PID1: variants seen among roughly 807,000 people sequenced by gnomAD.
The protein encoded by PID1 is phosphotyrosine interaction domain containing 1.
PID1 carries 10 observed loss-of-function variants against 19.1 expected under a neutral mutation model. That is an observed-to-expected ratio of 0.52 (90% CI 0.32 to 0.89). The LOEUF (loss-of-function observed/expected upper bound fraction) is 0.89, where lower values mean the gene tolerates loss of function less well. Ranked by LOEUF, PID1 falls within the 40% of genes least tolerant of loss-of-function variation. The probability of loss-of-function intolerance (pLI) is 0.03; values close to 1 mark genes in which losing one functional copy is unlikely to be tolerated. For missense variants in PID1, 248 were observed against 285.3 expected, an observed-to-expected ratio of 0.87 and a Z score of 0.94; for synonymous variants, 130 against 116.0, an observed-to-expected ratio of 1.12 and a Z score of -0.78.
chr2:229,189,237 G>GCTGC (rs1691204934), intron 1 of PID1, among the ~76,000 whole-genome samples: 1 of 152,182 alleles, frequency 6.6e-6, no homozygotes, highest in Admixed American at 6.5e-5. Flanking sequence ...CACACATGGA[G>GCTGC]CTGCACCCAA....
At chr2:229,214,918 GCTTA>G (rs1691814058) in intron 1 of PID1, among the ~76,000 whole-genome samples, 1 of 151,818 alleles carries the variant, frequency 6.6e-6, no homozygotes, top group African/African-American at 2.4e-5. Flanking sequence ...CTATTTTACA[GCTTA>G]CTTTCTATTT....
At chr2:229,037,197 T>G (rs1485254029) in intron 2 of PID1, among the ~76,000 whole-genome samples, 3 of 152,162 alleles carry the variant, frequency 2.0e-5, no homozygotes. Context: ...TTGCACAGAT[T>G]ATGTCGATAT....
chr2:229,109,739 AC>A (rs1695258536), intron 2 of PID1, among the ~76,000 whole-genome samples: 1 of 152,242 alleles, frequency 6.6e-6, no homozygotes, highest in African/African-American at 2.4e-5. Flanking sequence ...AATCGATGTA[AC>A]ACCTGGAATG....
At chr2:229,097,124 T>C (rs1694986923) in intron 2 of PID1, among the ~76,000 whole-genome samples, 3 of 152,186 alleles carry the variant, frequency 2.0e-5, no homozygotes, top group African/African-American at 7.2e-5. Context: ...ATACATGACA[T>C]GATTATGAAA....
In PID1 at chr2:229,211,677, T is replaced by G. The variant is rs142506698; in HGVS notation, c.31-55713A>C. On this transcript the variant is annotated intron_variant, in intron 1 of 2. Coordinates refer to ENST00000392055, the MANE Select transcript of PID1 (RefSeq NM_001100818.2). Reference sequence around the variant, plus strand: ...TTCTACAGAATGTGATGCATGGGCTTTGTGGCAGCTGTCTGAGTTCCAGAG... The same window carrying G: ...TTCTACAGAATGTGATGCATGGGCTGTGTGGCAGCTGTCTGAGTTCCAGAG... 6.7e-3 allele frequency among the ~76,000 whole-genome samples: 1,022 copies of G among 152,344 alleles called. 11 individuals carry two copies. The highest frequency in any genetic ancestry group is 0.023 in the African/African-American group (974 of 41,574).
rs145470937 is a variant in PID1 at position 229,214,155 on chromosome 2, C to G, written c.30+56859G>C. ...TAGGTAGCATAACTTTTCATTCATA[C>G]CATTTTGTGTGGTTAACATCAGTAG... is the stretch of plus-strand genomic sequence containing the variant. On this transcript the variant is annotated intron_variant, in intron 1 of 2. Coordinates refer to ENST00000392055, the MANE Select transcript of PID1 (RefSeq NM_001100818.2). 1.9e-3 allele frequency among the ~76,000 whole-genome samples: 287 copies of G among 152,262 alleles called. 1 individual carries two copies. Among genetic ancestry groups the G allele is most frequent in the Middle Eastern group, 3.4e-3 (1 of 294 alleles).
chr2:229,134,539 G>A (rs1036225825), intron 2 of PID1, among the ~76,000 whole-genome samples: 1 of 151,952 alleles, frequency 6.6e-6, no homozygotes, highest in Admixed American at 6.6e-5. Flanking sequence ...ACCACACCTG[G>A]CCACTGTTGT....
chr2:229,105,903 C>A (rs916152604), intron 2 of PID1, among the ~76,000 whole-genome samples: 1 of 151,948 alleles, frequency 6.6e-6, no homozygotes, highest in African/African-American at 2.4e-5. Flanking sequence ...CACGGTGAAA[C>A]CCCATCTCTA....
chr2:229,105,098 T>G (rs1384654576), intron 2 of PID1, among the ~76,000 whole-genome samples: 1 of 152,262 alleles, frequency 6.6e-6, no homozygotes, highest in Non-Finnish European at 1.5e-5. Flanking sequence ...TTTATCATTA[T>G]TATTGGCCAA....
chr2:229,074,771 C>A (rs1296243450), intron 2 of PID1, among the ~76,000 whole-genome samples: 3 of 151,958 alleles, frequency 2.0e-5, no homozygotes. Flanking sequence ...ATGACAGATA[C>A]CTTATTTCCT....
chr2:229,217,673 G>A (rs1327400426), intron 1 of PID1, among the ~76,000 whole-genome samples: 4 of 152,190 alleles, frequency 2.6e-5, no homozygotes, highest in African/African-American at 9.7e-5. Context: ...AAATAATACA[G>A]AGATACTCAA....
intron 2 of PID1, among the ~76,000 whole-genome samples, chr2:229,090,019 C>T (rs982148866): frequency 3.3e-5 from 5 of 152,136 alleles, no homozygotes; most frequent in Admixed American, 6.6e-5. Context: ...AAGAAACATA[C>T]GTGAACAGTT....
In PID1 at chr2:229,155,099, G is replaced by A. The variant is rs571825962; in HGVS notation, c.177+719C>T. On this transcript the variant is annotated intron_variant, in intron 2 of 2. Coordinates refer to ENST00000392055, the MANE Select transcript of PID1 (RefSeq NM_001100818.2). The stretch of plus-strand genomic sequence containing the variant: ...CCTAAAGGATTTGGAGAGTATAACT[G>A]TTAGAAAACTTGATTTTTTATGTTT... Among the ~76,000 whole-genome samples the A allele has an allele frequency of 6.6e-5, 10 of 152,244 alleles. No individual in the cohort carries two copies. The South Asian group carries it at 2.1e-3, about 32-fold the overall frequency.
chr2:229,229,843 C>T (rs978210484), intron 1 of PID1, among the ~76,000 whole-genome samples: 8 of 152,218 alleles, frequency 5.3e-5, no homozygotes, highest in Non-Finnish European at 8.8e-5. Context: ...AAGAAGTCCT[C>T]TTTGCTTCAT....
intron 1 of PID1, among the ~76,000 whole-genome samples, chr2:229,201,458 C>A (rs1266913961): frequency 6.6e-6 from 1 of 152,032 alleles, no homozygotes; most frequent in Non-Finnish European, 1.5e-5. Context: ...TCAGAATTCC[C>A]TTCCTGTTTA....
At chr2:229,112,979 C>T (rs1467089793) in intron 2 of PID1, among the ~76,000 whole-genome samples, 1 of 152,152 alleles carries the variant, frequency 6.6e-6, no homozygotes, top group East Asian at 1.9e-4. Context: ...AAGGCCCTAT[C>T]TCTATCTATC....
At chr2:229,141,060 T>TGGCA (rs34690893) in intron 2 of PID1, among the ~76,000 whole-genome samples, 10,893 of 152,022 alleles carry the variant, frequency 0.072, 529 homozygotes, top group South Asian at 0.22. Context: ...AGTATCTATG[T>TGGCA]GGCAGGATGA....
At chr2:229,179,653 C>G (rs576356301) in intron 1 of PID1, among the ~76,000 whole-genome samples, 1 of 152,086 alleles carries the variant, frequency 6.6e-6, no homozygotes, top group African/African-American at 2.4e-5. Flanking sequence ...TAATAAAACC[C>G]AATCATGCAA....
chr2:229,124,008 T>C (rs1328780089), intron 2 of PID1, among the ~76,000 whole-genome samples: 2 of 152,184 alleles, frequency 1.3e-5, no homozygotes, highest in African/African-American at 4.8e-5. Flanking sequence ...GGGAAGGCTG[T>C]CTTGGCAGGT....
Sources: allele counts gnomAD v4.1 joint callset (sites outside exome capture counted in the v4.1 genomes callset), GRCh38; gene constraint gnomAD v4.1.1; transcripts MANE v1.5; gene names NCBI Gene and HGNC (gene_info 2026-07-23, HGNC 2026-07-21).